MAP2K5: variants seen among roughly 807,000 people sequenced by gnomAD.
The protein encoded by MAP2K5 is mitogen-activated protein kinase kinase 5, also known as dual specificity mitogen-activated protein kinase kinase 5.
A neutral mutation model predicts 83.1 loss-of-function variants in MAP2K5; 49 were observed. The observed-to-expected ratio is 0.59, with a 90% CI of 0.47 to 0.75. The LOEUF is 0.75. Ranked by LOEUF, MAP2K5 falls within the 30% of genes least tolerant of loss-of-function variation. The pLI, the probability that MAP2K5 is intolerant of heterozygous loss-of-function variation, is 0.00. For missense variants in MAP2K5, 457 were observed against 557.5 expected (o/e 0.82, Z 1.82); for synonymous variants, 202 against 191.8 (o/e 1.05, Z -0.44).
intron 8 of MAP2K5, among the ~76,000 whole-genome samples, chr15:67,623,930 C>T (rs1405401496): frequency 6.6e-6 from 1 of 151,522 alleles, no homozygotes; most frequent in Non-Finnish European, 1.5e-5. Flanking sequence ...ATTCATTAGT[C>T]TTATCTCATT....
At position 67,640,811 on chromosome 15, in the gene MAP2K5, T is replaced by C. The variant is rs555505399; in HGVS notation, c.586-5420T>C. Among the ~76,000 whole-genome samples the C allele has an allele frequency of 6.6e-6, 1 of 152,334 alleles. No individual in the cohort carries two copies. Among genetic ancestry groups the C allele is most frequent in the African/African-American group, 2.4e-5 (1 of 41,578 alleles). On this transcript the variant is annotated intron_variant, in intron 9 of 21. Coordinates refer to ENST00000178640, the MANE Select transcript of MAP2K5 (RefSeq NM_145160.3). This position sits in a 1 kb window ranked among gnomAD's most constrained non-coding sequence, Gnocchi z 4.6. ...AGGTAGGAATATATTACAAGATATT[T>C]TTAAAAGAAGTTGAATTTTGGAAAG...
rs2087444360 is a variant in MAP2K5, at chr15:67,668,521, C to T, written c.847+3876C>T. Among the ~76,000 whole-genome samples, 1 of 152,116 alleles carries T rather than the reference C, an allele frequency of 6.6e-6. No homozygotes were observed. The highest frequency in any genetic ancestry group is 2.4e-5 in the African/African-American group (1 of 41,438). ...ATCTGTTAGGCCAGATCCGACATTA[C>T]AGGAAACATCGCAGCTTCACTTCAA... On this transcript the variant is annotated intron_variant, in intron 13 of 21. Coordinates refer to ENST00000178640, the MANE Select transcript of MAP2K5 (RefSeq NM_145160.3). This position sits in a 1 kb window ranked among gnomAD's most constrained non-coding sequence, Gnocchi z 4.0.
At chr15:67,728,232 G>A (rs1454963308) in intron 17 of MAP2K5, among the ~76,000 whole-genome samples, 1 of 152,072 alleles carries the variant, frequency 6.6e-6, no homozygotes, top group African/African-American at 2.4e-5. Flanking sequence ...TCATTTTGAG[G>A]TTGGAGGAGA....
chr15:67,797,345 A>G (rs930233046), intron 21 of MAP2K5, among the ~76,000 whole-genome samples: 2 of 152,234 alleles, frequency 1.3e-5, no homozygotes, highest in Non-Finnish European at 2.9e-5. Flanking sequence ...TCTGAAGTAC[A>G]TCAAGAGTTG....
At chr15:67,756,515 CTGTGTGTGTGTG>C (rs200627656) in intron 19 of MAP2K5, among the ~76,000 whole-genome samples, 4,033 of 131,564 alleles carry the variant, frequency 0.031, 94 homozygotes, top group African/African-American at 0.061. Flanking sequence ...CACACAGTTA[CTGTGTGTGTGTG>C]TGTGTGTGTG....
intron 16 of MAP2K5, among the ~76,000 whole-genome samples, chr15:67,705,072 T>C (rs1017394146): frequency 7.2e-5 from 11 of 152,202 alleles, no homozygotes; most frequent in Admixed American, 5.2e-4. Context: ...CTACTGCTCA[T>C]GGTGTTGTTT....
chr15:67,593,737 A>T (rs544846324), intron 7 of MAP2K5, among the ~76,000 whole-genome samples: 42 of 152,374 alleles, frequency 2.8e-4, no homozygotes, highest in African/African-American at 9.1e-4. Context: ...TGACTGAGAC[A>T]TCTGTGTCAC....
At position 67,563,582 on chromosome 15, in the gene MAP2K5, A is replaced by G. The variant is rs2084781246; in HGVS notation, c.252+232A>G. Among the ~76,000 whole-genome samples the G allele has an allele frequency of 6.6e-6, 1 of 152,204 alleles. No homozygotes were observed. The highest frequency in any genetic ancestry group is 2.1e-4 in the South Asian group (1 of 4,828). On this transcript the variant is annotated intron_variant, in intron 3 of 21. Coordinates refer to ENST00000178640, the MANE Select transcript of MAP2K5 (RefSeq NM_145160.3). The surrounding 1 kb of genome is among the most constrained non-coding windows in gnomAD (Gnocchi z 4.5). ...AATAATGCATCTTAATGACTTTTGC[A>G]TTAGGTATGATGCAGACTAAATGGA...
intron 21 of MAP2K5, among the ~76,000 whole-genome samples, chr15:67,805,701 G>C (rs145352600): frequency 2.6e-5 from 4 of 152,206 alleles, no homozygotes; most frequent in South Asian, 2.1e-4. Context: ...CCTCGCTATG[G>C]CTCCCCGAGT....
At chr15:67,585,075 G>T (rs1596599291) in intron 4 of MAP2K5, among the ~76,000 whole-genome samples, 1 of 9,752 alleles carries the variant, frequency 1.0e-4, no homozygotes, top group East Asian at 3.4e-3. Flanking sequence ...TGAGAGAGGA[G>T]CAAAAAAAAA....
Position 67,719,685 on chromosome 15 carries a change from C to G in MAP2K5, c.1045-8231C>G, listed in dbSNP as rs1049074611. Among the ~76,000 whole-genome samples the G allele has an allele frequency of 6.6e-6, 1 of 152,152 alleles. No homozygotes were observed. Among genetic ancestry groups the G allele is most frequent in the Non-Finnish European group, 1.5e-5 (1 of 68,030 alleles). ...GGAGAAAAGGAGGAACAATTTGAATCAAGTCCTGAAAGAATAGGTAGGCTG... is the reference window on the plus strand; with the variant it reads ...GGAGAAAAGGAGGAACAATTTGAATGAAGTCCTGAAAGAATAGGTAGGCTG... On this transcript the variant is annotated intron_variant, in intron 16 of 21. Transcript: ENST00000178640. This position sits in a 1 kb window ranked among gnomAD's most constrained non-coding sequence, Gnocchi z 4.6.
chr15:67,761,293 A>G (rs1269291742), intron 19 of MAP2K5, among the ~76,000 whole-genome samples: 1 of 151,930 alleles, frequency 6.6e-6, no homozygotes, highest in Non-Finnish European at 1.5e-5. Context: ...CATAGTAACT[A>G]GTTTTAAACT....
Position 67,600,702 on chromosome 15 carries a change from AC to A in MAP2K5, c.499del (p.Arg167AspfsTer26). On this transcript the variant is annotated frameshift_variant, in exon 8 of 22. Coordinates refer to ENST00000178640, the MANE Select transcript of MAP2K5 (RefSeq NM_145160.3). LOFTEE classifies it high-confidence loss of function. ...TTGTGGAGATGAATGAACAAGACAT[AC>A]GATATCGGGACACTCTTGGTCATGG... ...ANGQMNEQDI[R>X]YRDTLGHGNG... is the part of the protein sequence containing the mutation. 1 of 1,610,034 alleles carries A rather than the reference AC, an allele frequency of 6.2e-7. No individual in the cohort carries two copies. The highest frequency in any genetic ancestry group is 8.5e-7 in the Non-Finnish European group (1 of 1,178,766).
chr15:67,646,069 G>A (rs2086825583), intron 9 of MAP2K5, among the ~76,000 whole-genome samples, 162 bp from the exon 10 acceptor site: 1 of 152,160 alleles, frequency 6.6e-6, no homozygotes. Context: ...CAAAAGGTTA[G>A]ACAGATGCAG....
chr15:67,595,731 TA>T (rs2085510153), intron 7 of MAP2K5, among the ~76,000 whole-genome samples: 1 of 152,170 alleles, frequency 6.6e-6, no homozygotes, highest in Admixed American at 6.5e-5. Context: ...TTTTCCAGCT[TA>T]AAAAAATAAA....
rs1433450630 is a variant in MAP2K5 at position 67,779,363 on chromosome 15, C to A, written c.1242+6611C>A. ...CTGGATACTTGAGATCGCACTAAATCAGACAGCTTTAATTTGAATTTTTGA... is the reference window on the plus strand; with the variant it reads ...CTGGATACTTGAGATCGCACTAAATAAGACAGCTTTAATTTGAATTTTTGA... On this transcript the variant is annotated intron_variant, in intron 21 of 21. Transcript: ENST00000178640. The surrounding 1 kb of genome is among the most constrained non-coding windows in gnomAD (Gnocchi z 4.6). Among the ~76,000 whole-genome samples the A allele has an allele frequency of 6.6e-6, 1 of 152,198 alleles. No homozygotes were observed. The highest frequency in any genetic ancestry group is 2.4e-5 in the African/African-American group (1 of 41,436).
chr15:67,687,121 A>C (rs2087977355), intron 13 of MAP2K5, among the ~76,000 whole-genome samples: 3 of 152,226 alleles, frequency 2.0e-5, no homozygotes, highest in Admixed American at 2.0e-4. Flanking sequence ...TTTTTTAATG[A>C]GATTTATTTC....
At chr15:67,788,116 C>A (rs12443086) in intron 21 of MAP2K5, among the ~76,000 whole-genome samples, 81,438 of 152,074 alleles carry the variant, frequency 0.54, 22,637 homozygotes, top group East Asian at 0.86. Context: ...TCTTCATGGA[C>A]CTGCAAGTGT....
chr15:67,611,956 C>T (rs1464139367), intron 8 of MAP2K5, among the ~76,000 whole-genome samples: 3 of 152,146 alleles, frequency 2.0e-5, no homozygotes, highest in African/African-American at 7.2e-5. Context: ...CTCCCTCCTT[C>T]CTTGGAACGT....
Sources: allele counts gnomAD v4.1 joint callset (sites outside exome capture counted in the v4.1 genomes callset), GRCh38; gene constraint gnomAD v4.1.1; non-coding constraint Gnocchi (gnomAD v3.1); transcripts MANE v1.5; gene names NCBI Gene and HGNC (gene_info 2026-07-23, HGNC 2026-07-21).